BTBD3: variants seen among roughly 807,000 people sequenced by gnomAD.
The protein encoded by BTBD3 is BTB/POZ domain-containing protein 3.
Under a neutral mutation model 41.6 loss-of-function variants are expected in BTBD3, and 14 were observed. The observed-to-expected ratio is 0.34, with a 90% CI of 0.22 to 0.53. The LOEUF (loss-of-function observed/expected upper bound fraction) is 0.53, where lower values mean the gene tolerates loss of function less well. BTBD3 is among the 20% of genes least tolerant of loss of function. The probability of loss-of-function intolerance (pLI) is 0.95; values close to 1 mark genes in which losing one functional copy is unlikely to be tolerated. For missense variants in BTBD3, 426 were observed against 654.7 expected (o/e 0.65, Z 3.81); for synonymous variants, 249 against 233.7 (o/e 1.07, Z -0.60).
intron 1 of BTBD3, among the ~76,000 whole-genome samples, chr20:11,903,494 A>T: frequency 6.6e-6 from 1 of 152,162 alleles, no homozygotes; most frequent in East Asian, 1.9e-4. Context: ...TTCAAAGAGG[A>T]TGTCAATTAA....
chr20:11,898,670 A>T (rs763732902), intron 1 of BTBD3, among the ~76,000 whole-genome samples: 1 of 151,204 alleles, frequency 6.6e-6, no homozygotes, highest in Non-Finnish European at 1.5e-5. Flanking sequence ...GCCTTCTCCA[A>T]TTTTTTTTTC....
chr20:11,919,908 AT>A, intron 3 of BTBD3, 72 bp downstream of exon 3: 1 of 1,309,996 alleles, frequency 7.6e-7, no homozygotes, highest in Non-Finnish European at 1.1e-6. Flanking sequence ...TCACAGTTAA[AT>A]TTAAGTTCTG....
At chr20:11,919,218 A>G (rs754533117) in intron 2 of BTBD3, 42 bp downstream of exon 2, 20 of 1,563,748 alleles carry the variant, frequency 1.3e-5, no homozygotes, top group East Asian at 2.2e-5. Context: ...TGACGTTTAC[A>G]AAGAGGGACC....
intron 1 of BTBD3, among the ~76,000 whole-genome samples, chr20:11,901,947 T>G (rs1422577337): frequency 6.6e-6 from 1 of 152,196 alleles, no homozygotes; most frequent in Non-Finnish European, 1.5e-5. Flanking sequence ...AAAATTTTTT[T>G]AAGAGTGAAG....
intron 1 of BTBD3, chr20:11,891,178 G>GGT (rs1555794443): frequency 1.4e-5 from 1 of 69,200 alleles, no homozygotes; most frequent in East Asian, 7.0e-4. Flanking sequence ...GGCTTTCCGA[G>GGT]GGGGGGGGGG....
At chr20:11,891,232 G>C (rs956678224) in intron 1 of BTBD3, 63 of 151,950 alleles carry the variant, frequency 4.1e-4, no homozygotes, top group African/African-American at 1.3e-3. Context: ...CCTGGTGCCG[G>C]GGGCGGAGGG....
intron 1 of BTBD3, among the ~76,000 whole-genome samples, chr20:11,901,734 C>G (rs940444134): frequency 1.6e-4 from 24 of 152,218 alleles, no homozygotes; most frequent in African/African-American, 5.5e-4. Flanking sequence ...AAAATCATCA[C>G]CAGGCAGTGA....
chr20:11,918,067 G>A lies in BTBD3; in HGVS notation c.-209G>A. The A allele has an allele frequency of 7.6e-7, 1 of 1,313,524 alleles. No individual in the cohort carries two copies. The highest frequency in any genetic ancestry group is 9.6e-7 in the Non-Finnish European group (1 of 1,037,006). 81.4% of individuals were successfully genotyped at this position (1,313,524 alleles called of 1,614,324 possible). A position where few individuals can be genotyped will look rare whatever the true frequency, so the allele number is the denominator to read the frequency against. ...AAATAAGAGAAACAGGAATCATGAT[G>A]GGGATATATTTAACAGACCCAGTAC... On this transcript the variant is annotated 5_prime_UTR_variant, in exon 1 of 4. An upstream start codon of the reference 5' UTR is lost. Transcript: ENST00000378226.
rs192223949 is a variant in BTBD3 at position 11,892,314 on chromosome 20, A to C, written c.-126+1360A>C. On this transcript the variant is annotated intron_variant, in intron 1 of 4. Coordinates refer to the BTBD3 transcript ENST00000254977. ...AGGGCTTTCCCCTTCTTTTAACCCT[A>C]CCTCAGTCCCCTACTCAACCCTCTG... Among the ~76,000 whole-genome samples, 73 of 152,156 alleles carry C rather than the reference A, an allele frequency of 4.8e-4. 1 individual carries two copies. In the South Asian group the frequency reaches 8.7e-3, roughly 18 times the overall value.
At position 11,908,321 on chromosome 20, in the gene BTBD3, G is replaced by GTTTTTTTTTTTT. The variant is rs3834758; in HGVS notation, c.-125-10006_-125-9995dup. 1.2e-3 allele frequency among the ~76,000 whole-genome samples: 90 copies of GTTTTTTTTTTTT among 77,028 alleles called. 11 individuals are homozygous for GTTTTTTTTTTTT. The highest frequency in any genetic ancestry group is 3.3e-3 in the African/African-American group (68 of 20,582). The allele number at this position is 77,028 out of a possible 152,430, so 50.5% of individuals were successfully genotyped here. On this transcript the variant is annotated intron_variant, in intron 1 of 4. Transcript: ENST00000254977. ...ATGGTGGAGTGGTTGCTTCTCTGTG[G>GTTTTTTTTTTTT]TTTTTTTTTTTTTTTTTTAAATAAG...
Position 11,906,014 on chromosome 20 carries a change from T to C in BTBD3, c.-125-12320T>C, listed in dbSNP as rs1398559674. Among the ~76,000 whole-genome samples the C allele has an allele frequency of 5.9e-5, 9 of 152,146 alleles. No homozygotes were observed. In the East Asian group the frequency reaches 7.7e-4, roughly 13 times the overall value. On this transcript the variant is annotated intron_variant, in intron 1 of 4. Coordinates refer to the BTBD3 transcript ENST00000254977. ...ACCTCACCCTGCCTTCTAAGAAATATACTTTTATGGCCAGTGAATTCGTTA... is the reference window on the plus strand; with the variant it reads ...ACCTCACCCTGCCTTCTAAGAAATACACTTTTATGGCCAGTGAATTCGTTA...
At chr20:11,908,734 C>T (rs2056871494) in intron 1 of BTBD3, among the ~76,000 whole-genome samples, 1 of 152,006 alleles carries the variant, frequency 6.6e-6, no homozygotes, top group Non-Finnish European at 1.5e-5. Flanking sequence ...TATGGAACCT[C>T]AATTTTTATT....
At chr20:11,894,574 GTGA>G (rs2056775165) in intron 1 of BTBD3, among the ~76,000 whole-genome samples, 1 of 151,090 alleles carries the variant, frequency 6.6e-6, no homozygotes, top group Non-Finnish European at 1.5e-5. Flanking sequence ...CTTTAAAGTG[GTGA>G]TTTAAAAAAA....
chr20:11,894,781 GC>G (rs1230892518), intron 1 of BTBD3, among the ~76,000 whole-genome samples: 4 of 151,870 alleles, frequency 2.6e-5, no homozygotes, highest in African/African-American at 9.7e-5. Context: ...TGCTTGGAAA[GC>G]CCAGAAAGAC....
At chr20:11,901,647 C>G (rs1477173946) in intron 1 of BTBD3, among the ~76,000 whole-genome samples, 1 of 152,168 alleles carries the variant, frequency 6.6e-6, no homozygotes, top group African/African-American at 2.4e-5. Context: ...TAGCTACTTT[C>G]TCTTATAAGT....
At position 11,925,767 on chromosome 20, in the gene BTBD3, G is replaced by A. The variant is rs1321279944; in HGVS notation, c.*2101G>A. On this transcript the variant is annotated 3_prime_UTR_variant, in exon 4 of 4. Coordinates refer to ENST00000378226, the MANE Select transcript of BTBD3 (RefSeq NM_014962.4). The stretch of plus-strand genomic sequence containing the variant: ...TAATTGCATCCTATCAGATTGTTGA[G>A]GTGGGTGTGATAGTCTTCAGGTGCA... The A allele has an allele frequency of 6.6e-6, 1 of 152,586 alleles. No individual in the cohort carries two copies. The highest frequency in any genetic ancestry group is 1.5e-5 in the Non-Finnish European group (1 of 68,040). 9.5% of individuals were successfully genotyped at this position (152,586 alleles called of 1,614,324 possible).
chr20:11,897,744 T>TGCATGCAGTGAGCCGAGATCG (rs2056796437), intron 1 of BTBD3, among the ~76,000 whole-genome samples: 1 of 152,202 alleles, frequency 6.6e-6, no homozygotes, highest in African/African-American at 2.4e-5. Flanking sequence ...TCTCTTTGAT[T>TGCATGCAGTGAGCCGAGATCG]TTCCATCTGC....
At position 11,918,057 on chromosome 20, in the gene BTBD3, G is replaced by T; in HGVS notation, c.-219G>T. 7.7e-7 allele frequency: 1 copy of T among 1,292,062 alleles called. No homozygotes were observed. Among genetic ancestry groups the T allele is most frequent in the Non-Finnish European group, 9.8e-7 (1 of 1,024,268 alleles). 80.0% of individuals were successfully genotyped at this position (1,292,062 alleles called of 1,614,324 possible). ...TTTTATGAGCAAATAAGAGAAACAG[G>T]AATCATGATGGGGATATATTTAACA... On this transcript the variant is annotated 5_prime_UTR_variant, in exon 1 of 4. Transcript: ENST00000378226.
chr20:11,917,022 CG>C (rs767513609), upstream of BTBD3, among the ~76,000 whole-genome samples: 6 of 151,902 alleles, frequency 3.9e-5, no homozygotes, highest in Admixed American at 6.6e-5. Flanking sequence ...AGGTGGAATC[CG>C]AACATTTATC....
Sources: gnomAD v4.1 joint callset for allele counts (sites outside exome capture counted in the v4.1 genomes callset) on GRCh38, gnomAD v4.1.1 for gene constraint, MANE v1.5 for transcripts, NCBI Gene and HGNC (gene_info 2026-07-23, HGNC 2026-07-21) for gene names.